The following ELAVL2 variants were observed in gnomAD, a reference collection of about 807,000 sequenced individuals.
The protein encoded by ELAVL2 is ELAV like RNA binding protein 2.
Under a neutral mutation model 34.6 loss-of-function variants are expected in ELAVL2, and 4 were observed. The ratio of observed to expected loss-of-function variants is 0.12; its 90% CI spans 0.06 to 0.26. ELAVL2 has a LOEUF of 0.26. ELAVL2 is among the 10% of genes least tolerant of loss of function. ELAVL2 has a pLI of 1.00. For synonymous variants in ELAVL2, 193 were observed against 154.8 expected, an observed-to-expected ratio of 1.25 and a Z score of -1.83; for missense variants, 432 against 442.8, an observed-to-expected ratio of 0.98 and a Z score of 0.22.
At chr9:23,696,267 T>C (rs1486386339) in intron 5 of ELAVL2, among the ~76,000 whole-genome samples, 1 of 151,978 alleles carries the variant, frequency 6.6e-6, no homozygotes, top group Non-Finnish European at 1.5e-5. Context: ...TGCCATAGAT[T>C]CATGTTTCCC....
chr9:23,796,027 C>A (rs1334083611), intron 1 of ELAVL2, among the ~76,000 whole-genome samples: 1 of 152,192 alleles, frequency 6.6e-6, no homozygotes, highest in Non-Finnish European at 1.5e-5. Context: ...GAAGTGTACC[C>A]ATTTTGGTCC....
intron 3 of ELAVL2, among the ~76,000 whole-genome samples, chr9:23,706,056 T>C (rs564615065): frequency 6.6e-6 from 1 of 152,356 alleles, no homozygotes; most frequent in South Asian, 2.1e-4. Context: ...AATTTGAATG[T>C]GTGAACAAGC....
In ELAVL2 at chr9:23,692,166, G is replaced by A. The variant is rs922700790; in HGVS notation, c.*391C>T. Reference sequence around the variant, plus strand: ...AATCAGAAAAAGGAAAAAAAGGGGGGAAAAAAAAGACACAACCAACTGAAG... The same window carrying A: ...AATCAGAAAAAGGAAAAAAAGGGGGAAAAAAAAAGACACAACCAACTGAAG... On this transcript the variant is annotated 3_prime_UTR_variant, in exon 7 of 7. Transcript: ENST00000397312. The A allele has an allele frequency of 4.3e-5, 7 of 163,664 alleles. No individual in the cohort carries two copies. Among genetic ancestry groups the A allele is most frequent in the Non-Finnish European group, 2.7e-5 (2 of 75,300 alleles). The allele number at this position is 163,664 out of a possible 1,614,324, so 10.1% of individuals were successfully genotyped here.
At chr9:23,847,289 C>A in the ELAVL2 span, 1 of 151,830 alleles carries the variant, frequency 6.6e-6, no homozygotes, top group African/African-American at 2.4e-5. Flanking sequence ...CATTGCATGC[C>A]CTGGATATGG....
chr9:23,835,292 G>A, the ELAVL2 span, among the ~76,000 whole-genome samples: 2 of 152,022 alleles, frequency 1.3e-5, no homozygotes, highest in Middle Eastern at 3.4e-3. Context: ...TTTTATATAT[G>A]CATACATTAT....
At chr9:23,836,964 A>G in the ELAVL2 span, among the ~76,000 whole-genome samples, 12 of 152,204 alleles carry the variant, frequency 7.9e-5, no homozygotes, top group Non-Finnish European at 1.8e-4. Context: ...CCAACACATA[A>G]GCAGGGTTAA....
At chr9:23,805,194 G>T (rs992868259) in intron 1 of ELAVL2, among the ~76,000 whole-genome samples, 5 of 152,198 alleles carry the variant, frequency 3.3e-5, no homozygotes, top group Admixed American at 3.3e-4. Context: ...AATCATTTGG[G>T]GATTTTCCTA....
chr9:23,755,266 T>A (rs991064803), intron 2 of ELAVL2, among the ~76,000 whole-genome samples: 7 of 152,186 alleles, frequency 4.6e-5, no homozygotes, highest in African/African-American at 1.4e-4. Context: ...GTATTTGATT[T>A]CTTAAAATGT....
At chr9:23,747,034 T>C (rs183436031) in intron 2 of ELAVL2, among the ~76,000 whole-genome samples, 29 of 152,232 alleles carry the variant, frequency 1.9e-4, no homozygotes, top group East Asian at 5.8e-4. Flanking sequence ...CCATGAGGTA[T>C]ACCACAAGAA....
intron 1 of ELAVL2, among the ~76,000 whole-genome samples, chr9:23,802,714 C>T (rs2061718825): frequency 6.6e-6 from 1 of 152,180 alleles, no homozygotes; most frequent in Admixed American, 6.5e-5. Flanking sequence ...TACAGTAGAG[C>T]TTTCTAAAGG....
At chr9:23,773,944 G>A (rs569626943) in intron 1 of ELAVL2, among the ~76,000 whole-genome samples, 3 of 152,090 alleles carry the variant, frequency 2.0e-5, no homozygotes, top group Admixed American at 2.0e-4. Context: ...TGGCGCAGTG[G>A]CTCACACTTC....
chr9:23,785,169 A>G (rs139308674), intron 1 of ELAVL2, among the ~76,000 whole-genome samples: 6 of 152,202 alleles, frequency 3.9e-5, no homozygotes, highest in Non-Finnish European at 7.3e-5. Context: ...AGAAGTACAT[A>G]TATCAAGGAA....
rs1171038718 is a variant in ELAVL2 at position 23,691,641 on chromosome 9, G to A, written c.*916C>T. ...CCACCTATCACATAATAACCAGGATGATCAGACGCTCCACTGGTGATTACA... is the reference window on the plus strand; with the variant it reads ...CCACCTATCACATAATAACCAGGATAATCAGACGCTCCACTGGTGATTACA... On this transcript the variant is annotated 3_prime_UTR_variant, in exon 7 of 7. Coordinates refer to ENST00000397312, the MANE Select transcript of ELAVL2 (RefSeq NM_004432.5). The A allele has an allele frequency of 1.3e-5, 2 of 152,424 alleles. No individual in the cohort carries two copies. Among genetic ancestry groups the A allele is most frequent in the African/African-American group, 2.4e-5 (1 of 41,398 alleles). 9.4% of individuals were successfully genotyped at this position (152,424 alleles called of 1,614,324 possible). A position where few individuals can be genotyped will look rare whatever the true frequency, so the allele number is the denominator to read the frequency against.
At chr9:23,766,343 C>G (rs978655907) in intron 1 of ELAVL2, among the ~76,000 whole-genome samples, 59 of 152,230 alleles carry the variant, frequency 3.9e-4, no homozygotes, top group African/African-American at 1.3e-3. Context: ...TGAAAAAGTG[C>G]TTTACACCCA....
At chr9:23,715,992 G>A (rs562280590) in intron 3 of ELAVL2, among the ~76,000 whole-genome samples, 1 of 152,266 alleles carries the variant, frequency 6.6e-6, no homozygotes, top group South Asian at 2.1e-4. Context: ...ATGAAAAGGA[G>A]AAGTGGATAA....
chr9:23,827,321 C>G (rs1265670822), upstream of ELAVL2, among the ~76,000 whole-genome samples: 1 of 152,164 alleles, frequency 6.6e-6, no homozygotes, highest in South Asian at 2.1e-4. Flanking sequence ...TTTATTACAA[C>G]CCCATATTTT....
chr9:23,803,772 T>C (rs2061864845), intron 1 of ELAVL2, among the ~76,000 whole-genome samples: 1 of 152,184 alleles, frequency 6.6e-6, no homozygotes, highest in African/African-American at 2.4e-5. Context: ...TCCCCCTATC[T>C]GTATAAAAGA....
intron 1 of ELAVL2, among the ~76,000 whole-genome samples, chr9:23,782,471 C>T (rs2059192077): frequency 6.6e-6 from 1 of 152,052 alleles, no homozygotes; most frequent in South Asian, 2.1e-4. Flanking sequence ...ACTCAGGAGG[C>T]TGAGGCAGGA....
intron 3 of ELAVL2, among the ~76,000 whole-genome samples, chr9:23,710,186 A>T (rs944333029): frequency 6.6e-6 from 1 of 152,234 alleles, no homozygotes; most frequent in Non-Finnish European, 1.5e-5. Context: ...TTGTAATTAA[A>T]AGCTCATTTC....
Sources: gnomAD v4.1 joint callset for allele counts (sites outside exome capture counted in the v4.1 genomes callset) on GRCh38, gnomAD v4.1.1 for gene constraint, MANE v1.5 for transcripts, NCBI Gene and HGNC (gene_info 2026-07-23, HGNC 2026-07-21) for gene names.